Variants in FAM3C observed in about 807,000 individuals in gnomAD.
The protein encoded by FAM3C is protein FAM3C.
Under a neutral mutation model 32.5 loss-of-function variants are expected in FAM3C, and 15 were observed. That is an observed-to-expected ratio of 0.46 (90% confidence interval 0.31 to 0.71). The LOEUF (loss-of-function observed/expected upper bound fraction) is 0.71, where lower values mean the gene tolerates loss of function less well. Among genes scored for constraint, FAM3C ranks in the 30% least tolerant of loss-of-function variants. The pLI is 0.05. For missense variants in FAM3C, 175 were observed against 274.4 expected (o/e 0.64, Z 2.56); for synonymous variants, 75 against 86.1 (o/e 0.87, Z 0.72).
Position 121,350,420 on chromosome 7 carries a change from A to G in FAM3C, c.*41T>C. On this transcript the variant is annotated 3_prime_UTR_variant, in exon 10 of 10. Coordinates refer to ENST00000359943, the MANE Select transcript of FAM3C (RefSeq NM_014888.3). ...TCTGCCATTTATAGCTCTCCCATTA[A>G]GAGTGAAAGTGCGCTTTCTTCAATT... is the stretch of plus-strand genomic sequence containing the variant. The G allele has an allele frequency of 6.2e-7, 1 of 1,610,044 alleles. No homozygotes were observed. The highest frequency in any genetic ancestry group is 8.5e-7 in the Non-Finnish European group (1 of 1,178,602).
chr7:121,387,249 G>T (rs1378332158), intron 1 of FAM3C, among the ~76,000 whole-genome samples: 6 of 151,126 alleles, frequency 4.0e-5, no homozygotes, highest in Non-Finnish European at 7.4e-5. Context: ...TTGGCTTGTG[G>T]GCCATACAGG....
At chr7:121,371,497 T>A in intron 4 of FAM3C, 74 bp from the exon 5 acceptor site, 1 of 1,460,278 alleles carries the variant, frequency 6.8e-7, no homozygotes, top group Non-Finnish European at 9.5e-7. Context: ...ACTTCAAATC[T>A]CAAACCACAA....
chr7:121,383,968 C>G (rs948306307), intron 1 of FAM3C, among the ~76,000 whole-genome samples: 1 of 152,034 alleles, frequency 6.6e-6, no homozygotes, highest in Non-Finnish European at 1.5e-5. Context: ...GTTGCCTGAT[C>G]TAGTAATTCA....
chr7:121,393,461 G>A (rs1235421722), intron 1 of FAM3C, among the ~76,000 whole-genome samples: 1 of 151,878 alleles, frequency 6.6e-6, no homozygotes, highest in Non-Finnish European at 1.5e-5. Flanking sequence ...AAAATAAAAT[G>A]AAAAATTCTG....
intron 1 of FAM3C, among the ~76,000 whole-genome samples, chr7:121,385,950 T>A (rs1031870104): frequency 6.6e-6 from 1 of 152,146 alleles, no homozygotes; most frequent in African/African-American, 2.4e-5. Context: ...GAAGGGTAAG[T>A]AAGAAGCTCA....
chr7:121,354,570 G>A (rs1056711094), intron 8 of FAM3C, among the ~76,000 whole-genome samples: 1 of 152,136 alleles, frequency 6.6e-6, no homozygotes, highest in Non-Finnish European at 1.5e-5. Flanking sequence ...ATCAAACCAA[G>A]CCAATGCTGC....
chr7:121,360,653 T>TGA (rs1025515341), intron 7 of FAM3C, among the ~76,000 whole-genome samples: 7 of 151,974 alleles, frequency 4.6e-5, no homozygotes, highest in Admixed American at 6.6e-5. Context: ...GGCAATATAG[T>TGA]GAGACCTCAT....
chr7:121,370,474 C>T (rs926222947), intron 5 of FAM3C, among the ~76,000 whole-genome samples: 4 of 152,112 alleles, frequency 2.6e-5, no homozygotes, highest in African/African-American at 9.7e-5. Flanking sequence ...TAATTCGTGA[C>T]AAATTTATTA....
At chr7:121,350,633 T>TTAAA in intron 9 of FAM3C, 83 bp from the exon 10 acceptor site, 1 of 1,358,808 alleles carries the variant, frequency 7.4e-7, no homozygotes, top group Non-Finnish European at 1.0e-6. Flanking sequence ...CACTTCTCAT[T>TTAAA]TCAGTAATAC....
Position 121,350,014 on chromosome 7 carries a change from A to G in FAM3C, c.*447T>C, listed in dbSNP as rs1793670081. Reference sequence around the variant, plus strand: ...AGTAACATTACACACACAACTAGCCAAATCTCTTTTTAATTTAAAAGATAA... The same window carrying G: ...AGTAACATTACACACACAACTAGCCGAATCTCTTTTTAATTTAAAAGATAA... On this transcript the variant is annotated 3_prime_UTR_variant, in exon 10 of 10. Coordinates refer to ENST00000359943, the MANE Select transcript of FAM3C (RefSeq NM_014888.3). 1.3e-5 allele frequency: 2 copies of G among 158,574 alleles called. No individual in the cohort carries two copies. Among genetic ancestry groups the G allele is most frequent in the Admixed American group, 1.3e-4 (2 of 14,970 alleles). The allele number at this position is 158,574 out of a possible 1,614,324, so 9.8% of individuals were successfully genotyped here. A position where few individuals can be genotyped will look rare whatever the true frequency, so the allele number is the denominator to read the frequency against.
chr7:121,380,456 T>C (rs974649412), intron 2 of FAM3C, among the ~76,000 whole-genome samples: 1 of 151,312 alleles, frequency 6.6e-6, no homozygotes, highest in African/African-American at 2.4e-5. Flanking sequence ...GAAAACCAAA[T>C]AGTGCATGTT....
At chr7:121,363,239 C>T (rs770120706) in intron 6 of FAM3C, among the ~76,000 whole-genome samples, 14 of 152,180 alleles carry the variant, frequency 9.2e-5, no homozygotes, top group African/African-American at 3.1e-4. Context: ...CATTCCAATT[C>T]GGTTAGATAT....
At chr7:121,374,715 T>C (rs1329536930) in intron 3 of FAM3C, among the ~76,000 whole-genome samples, 1 of 152,246 alleles carries the variant, frequency 6.6e-6, no homozygotes, top group Non-Finnish European at 1.5e-5. Context: ...TACAAAGTAC[T>C]ACACTTCAGT....
chr7:121,392,402 A>G (rs1794595066), intron 1 of FAM3C, among the ~76,000 whole-genome samples: 1 of 152,184 alleles, frequency 6.6e-6, no homozygotes, highest in African/African-American at 2.4e-5. Context: ...AGAGTGCAGG[A>G]AAAACTTCCA....
intron 8 of FAM3C, among the ~76,000 whole-genome samples, chr7:121,352,479 T>C (rs1451578658): frequency 6.6e-6 from 1 of 152,172 alleles, no homozygotes; most frequent in East Asian, 1.9e-4. Flanking sequence ...AGCAAGAAAA[T>C]AAGCCATAGC....
intron 1 of FAM3C, among the ~76,000 whole-genome samples, chr7:121,388,007 A>G (rs1458327004): frequency 1.3e-5 from 2 of 152,144 alleles, no homozygotes; most frequent in Non-Finnish European, 2.9e-5. Flanking sequence ...CAAAATGGAA[A>G]GGAATAAGAT....
At chr7:121,371,572 G>A in intron 4 of FAM3C, 149 bp from the exon 5 acceptor site, 5 of 863,560 alleles carry the variant, frequency 5.8e-6, no homozygotes, top group South Asian at 2.4e-5. Context: ...TTCCCCTGAG[G>A]GTTTCAAAGA....
At chr7:121,360,382 A>G (rs1356431748) in intron 7 of FAM3C, among the ~76,000 whole-genome samples, 1 of 152,196 alleles carries the variant, frequency 6.6e-6, no homozygotes, top group African/African-American at 2.4e-5. Context: ...TCCTGGGGCT[A>G]AGTGAAAAAA....
rs565079689 is a variant in FAM3C, at chr7:121,379,629, A to G, written c.14-615T>C. The stretch of plus-strand genomic sequence containing the variant: ...CAGGATATAATTTGGTACCTATCAC[A>G]TATGCTTCATAACACAGTTACATGG... On this transcript the variant is annotated intron_variant, in intron 2 of 9. Coordinates refer to ENST00000359943, the MANE Select transcript of FAM3C (RefSeq NM_014888.3). Among the ~76,000 whole-genome samples the G allele has an allele frequency of 2.0e-5, 3 of 152,226 alleles. No homozygotes were observed. In the South Asian group the frequency reaches 6.2e-4, roughly 32 times the overall value.
Sources: gnomAD v4.1 joint callset for allele counts (sites outside exome capture counted in the v4.1 genomes callset) on GRCh38, gnomAD v4.1.1 for gene constraint, MANE v1.5 for transcripts, NCBI Gene and HGNC (gene_info 2026-07-23, HGNC 2026-07-21) for gene names.